Variants in PCSK5 observed in about 807,000 individuals in gnomAD.
PCSK5 encodes prohormone convertase 5.
PCSK5 carries 129 observed loss-of-function variants against 233.2 expected under a neutral mutation model. The observed-to-expected ratio is 0.55, with a 90% confidence interval of 0.48 to 0.64. PCSK5 has a LOEUF of 0.64. PCSK5 is among the 30% of genes least tolerant of loss of function. The probability of loss-of-function intolerance (pLI) is 0.00; values close to 1 mark genes in which losing one functional copy is unlikely to be tolerated. For synonymous variants in PCSK5, 825 were observed against 879.2 expected (o/e 0.94, Z 1.09); for missense variants, 2,076 against 2,430.1 (o/e 0.85, Z 3.06).
At chr9:76,231,702 G>A (rs925835457) in intron 21 of PCSK5, among the ~76,000 whole-genome samples, 8 of 152,250 alleles carry the variant, frequency 5.3e-5, no homozygotes, top group African/African-American at 1.9e-4. Flanking sequence ...CCAGGGTGGG[G>A]CTGGGATATT....
At chr9:76,080,395 T>C (rs893561825) in intron 7 of PCSK5, among the ~76,000 whole-genome samples, 1 of 152,204 alleles carries the variant, frequency 6.6e-6, no homozygotes, top group East Asian at 1.9e-4. Context: ...TTTCTACTGA[T>C]CTCATTGTCT....
intron 12 of PCSK5, among the ~76,000 whole-genome samples, chr9:76,167,272 C>T (rs954035041): frequency 2.6e-5 from 4 of 152,154 alleles, no homozygotes; most frequent in Non-Finnish European, 4.4e-5. Context: ...GCTTCATGTC[C>T]AGGTAAACTT....
intron 2 of PCSK5, among the ~76,000 whole-genome samples, chr9:75,977,771 C>T (rs890675642): frequency 2.0e-5 from 3 of 151,680 alleles, no homozygotes; most frequent in African/African-American, 4.8e-5. Flanking sequence ...CCACCACGCA[C>T]GGCTAATTTT....
chr9:75,948,938 A>G (rs188383001), intron 2 of PCSK5, among the ~76,000 whole-genome samples: 1 of 152,126 alleles, frequency 6.6e-6, no homozygotes, highest in East Asian at 1.9e-4. Flanking sequence ...AAACAAACCT[A>G]GTCACTGCCC....
intron 24 of PCSK5, among the ~76,000 whole-genome samples, chr9:76,291,515 A>T (rs1828276554): frequency 1.3e-5 from 2 of 152,182 alleles, no homozygotes; most frequent in East Asian, 1.9e-4. Flanking sequence ...GGCCAGAGGA[A>T]GTCACCGAAT....
chr9:76,079,040 T>A (rs1025474033), intron 7 of PCSK5, among the ~76,000 whole-genome samples: 1 of 152,060 alleles, frequency 6.6e-6, no homozygotes, highest in Non-Finnish European at 1.5e-5. Context: ...ATCTTTCACG[T>A]CCTTGGTTAG....
chr9:76,303,997 C>G (rs973552659), intron 28 of PCSK5, among the ~76,000 whole-genome samples: 11 of 152,128 alleles, frequency 7.2e-5, no homozygotes, highest in African/African-American at 2.7e-4. Flanking sequence ...AATGGTGAAA[C>G]CCCATCTTTA....
chr9:76,195,137 A>G (rs1406760826), intron 20 of PCSK5: 1 of 156,224 alleles, frequency 6.4e-6, no homozygotes, highest in African/African-American at 2.4e-5. Context: ...TTTGCTAAGC[A>G]GTCTTCCCCT....
rs544412750 is a variant in PCSK5 at position 75,900,691 on chromosome 9, A to C, written c.192+9318A>C. Among the ~76,000 whole-genome samples the C allele has an allele frequency of 7.5e-4, 112 of 148,512 alleles. 2 individuals are homozygous for C. In the South Asian group the frequency reaches 0.019, roughly 26 times the overall value. On this transcript the variant is annotated intron_variant, in intron 1 of 37. Coordinates refer to ENST00000674117, the MANE Select transcript of PCSK5 (RefSeq NM_001372043.1). The stretch of plus-strand genomic sequence containing the variant: ...GAGACTCTGTCTCAAAAAAAAAAAA[A>C]AAACAAACAACTTTTTTTTTTTTTT...
At chr9:76,341,607 G>C (rs1180779505) in intron 35 of PCSK5, among the ~76,000 whole-genome samples, 2 of 152,098 alleles carry the variant, frequency 1.3e-5, no homozygotes, top group Non-Finnish European at 2.9e-5. Flanking sequence ...ATCTTTCTTA[G>C]CATTCATTTT....
chr9:75,960,507 A>G (rs1226921898), intron 2 of PCSK5, among the ~76,000 whole-genome samples: 1 of 152,204 alleles, frequency 6.6e-6, no homozygotes, highest in Non-Finnish European at 1.5e-5. Context: ...AAACAGAGGG[A>G]ATGTGATCAT....
At chr9:76,225,286 G>C (rs1267338012) in intron 20 of PCSK5, among the ~76,000 whole-genome samples, 7 of 152,278 alleles carry the variant, frequency 4.6e-5, no homozygotes, top group Non-Finnish European at 1.0e-4. Flanking sequence ...TCCCTTAGTA[G>C]CTGGCATGTA....
chr9:76,188,538 C>T (rs766204354), intron 17 of PCSK5, 40 bp from the exon 18 acceptor site: 1 of 1,397,382 alleles, frequency 7.2e-7, no homozygotes, highest in East Asian at 2.3e-5. Context: ...TTGGCCTCAT[C>T]ACAACAGTCT....
rs898474321 is a variant in PCSK5 at position 76,169,837 on chromosome 9, C to G, written c.1753C>G (p.Pro585Ala). Reference protein sequence around the residue: ...TPSQLRNFKTPGKLKEWSLVL... With the variant: ...TPSQLRNFKTAGKLKEWSLVL... The stretch of plus-strand genomic sequence containing the variant: ...CTCTCAGCTAAGGAACTTTAAGACT[C>G]CAGGTGAGAACTCCCTTTCTATACA... The change falls in exon 13 of 38, where the codon CCA becomes GCA. Residue 585 changes from proline (P) to alanine (A), a missense_variant. This residue lies in a region of PCSK5 where 50 missense variants were observed against 104.7 expected (regional missense o/e 0.48). Coordinates refer to ENST00000674117, the MANE Select transcript of PCSK5 (RefSeq NM_001372043.1). 1 of 1,612,608 alleles carries G rather than the reference C, an allele frequency of 6.2e-7. No homozygotes were observed. The highest frequency in any genetic ancestry group is 8.5e-7 in the Non-Finnish European group (1 of 1,178,794).
At chr9:76,175,367 T>G in intron 14 of PCSK5, 1 of 517,708 alleles carries the variant, frequency 1.9e-6, no homozygotes, top group Non-Finnish European at 3.4e-6. Context: ...TCTGACATAT[T>G]TTCTTCCCCT....
chr9:76,142,578 A>G (rs1188176586), intron 10 of PCSK5, among the ~76,000 whole-genome samples: 3 of 152,168 alleles, frequency 2.0e-5, no homozygotes, highest in Non-Finnish European at 4.4e-5. Flanking sequence ...CATTCATAGT[A>G]TGTGCTTAAG....
chr9:76,246,498 T>G (rs1241197656), intron 24 of PCSK5, among the ~76,000 whole-genome samples: 7 of 152,104 alleles, frequency 4.6e-5, no homozygotes, highest in East Asian at 1.9e-4. Flanking sequence ...AATGGTACAA[T>G]GGCTGTTGAA....
chr9:75,929,514 C>T (rs781143985), intron 1 of PCSK5, among the ~76,000 whole-genome samples: 28 of 151,798 alleles, frequency 1.8e-4, no homozygotes, highest in Non-Finnish European at 4.1e-4. Context: ...ACTTGAGACA[C>T]AAACTATGAG....
intron 16 of PCSK5, among the ~76,000 whole-genome samples, chr9:76,183,079 G>A (rs1028703924): frequency 6.6e-6 from 1 of 152,190 alleles, no homozygotes; most frequent in African/African-American, 2.4e-5. Context: ...TTGGGAGACA[G>A]AAGGGGGCAT....
Sources: gnomAD v4.1 joint callset for allele counts (sites outside exome capture counted in the v4.1 genomes callset) on GRCh38, gnomAD v4.1.1 for gene constraint, gnomAD v4.1.1 regional missense constraint, MANE v1.5 for transcripts, NCBI Gene and HGNC (gene_info 2026-07-23, HGNC 2026-07-21) for gene names.